SEMA5A: variants seen among roughly 807,000 people sequenced by gnomAD.
SEMA5A encodes semaphorin 5A.
Under a neutral mutation model 135.5 loss-of-function variants are expected in SEMA5A, and 55 were observed. That is an observed-to-expected ratio of 0.41 (90% CI 0.33 to 0.51). The LOEUF (loss-of-function observed/expected upper bound fraction) is 0.51, where lower values mean the gene tolerates loss of function less well. Ranked by LOEUF, SEMA5A falls within the 20% of genes least tolerant of loss-of-function variation. The pLI is 0.37. For synonymous variants in SEMA5A, 580 were observed against 546.5 expected (o/e 1.06, Z -0.85); for missense variants, 1,290 against 1,419.9 (o/e 0.91, Z 1.47).
At chr5:9,112,274 T>G (rs1466723675) in intron 15 of SEMA5A, among the ~76,000 whole-genome samples, 1 of 152,276 alleles carries the variant, frequency 6.6e-6, no homozygotes, top group Non-Finnish European at 1.5e-5. Flanking sequence ...AATAAAGACC[T>G]TTTATAATTC....
intron 3 of SEMA5A, among the ~76,000 whole-genome samples, chr5:9,370,307 C>G (rs1330642919): frequency 6.6e-6 from 1 of 152,242 alleles, no homozygotes; most frequent in East Asian, 1.9e-4. Context: ...TTTGCAGCCT[C>G]TCTAAGGCAC....
chr5:9,180,679 A>C (rs1437707595), intron 11 of SEMA5A, among the ~76,000 whole-genome samples: 1 of 152,178 alleles, frequency 6.6e-6, no homozygotes, highest in Non-Finnish European at 1.5e-5. Flanking sequence ...GGGTCTCTAA[A>C]GTCTTATGTA....
At chr5:9,061,077 T>G (rs1737156606) in intron 18 of SEMA5A, among the ~76,000 whole-genome samples, 1 of 151,640 alleles carries the variant, frequency 6.6e-6, no homozygotes, top group African/African-American at 2.4e-5. Flanking sequence ...CTTGGTGAAA[T>G]CCACCAAGGG....
intron 21 of SEMA5A, among the ~76,000 whole-genome samples, chr5:9,047,077 GGGACT>G (rs1261409448): frequency 6.6e-6 from 1 of 152,162 alleles, no homozygotes; most frequent in Non-Finnish European, 1.5e-5. Flanking sequence ...AGCAGCCACT[GGGACT>G]TTAACTGTAA....
intron 16 of SEMA5A, among the ~76,000 whole-genome samples, chr5:9,090,353 G>C (rs930624661): frequency 3.9e-5 from 6 of 152,126 alleles, no homozygotes; most frequent in East Asian, 1.9e-4. Context: ...AAAAGTCCTC[G>C]CTTTAAAACG....
chr5:9,230,725 A>G (rs1437435917), intron 6 of SEMA5A, among the ~76,000 whole-genome samples: 2 of 152,074 alleles, frequency 1.3e-5, no homozygotes, highest in African/African-American at 4.8e-5. Context: ...TATGGAACCC[A>G]GAGGAGCCTG....
chr5:9,096,107 G>A (rs1470873367), intron 16 of SEMA5A, among the ~76,000 whole-genome samples: 1 of 152,112 alleles, frequency 6.6e-6, no homozygotes, highest in African/African-American at 2.4e-5. Flanking sequence ...CATACTGGCT[G>A]TACCGGCCTA....
intron 1 of SEMA5A, among the ~76,000 whole-genome samples, chr5:9,533,984 G>C (rs984421973): frequency 2.0e-5 from 3 of 152,120 alleles, no homozygotes; most frequent in African/African-American, 7.2e-5. Flanking sequence ...TGTTGAAAAA[G>C]ATACACCAGC....
At chr5:9,268,593 A>G (rs2150533048) in intron 5 of SEMA5A, among the ~76,000 whole-genome samples, 1 of 152,326 alleles carries the variant, frequency 6.6e-6, no homozygotes, top group Admixed American at 6.5e-5. Flanking sequence ...ATCTTAATAA[A>G]TACTACTGCC....
chr5:9,249,534 A>C (rs2150484574), intron 5 of SEMA5A, among the ~76,000 whole-genome samples: 1 of 152,320 alleles, frequency 6.6e-6, no homozygotes. Flanking sequence ...TATTTTTATA[A>C]CTTGTTTTTC....
rs1053883330 is a variant in SEMA5A at position 9,040,522 on chromosome 5, T to TAAAC, written c.*2371_*2374dup. 12 of 152,372 alleles carry TAAAC rather than the reference T, an allele frequency of 7.9e-5. No individual in the cohort carries two copies. The highest frequency in any genetic ancestry group is 5.9e-4 in the Admixed American group (9 of 15,306). 9.4% of individuals were successfully genotyped at this position (152,372 alleles called of 1,614,324 possible). A position where few individuals can be genotyped will look rare whatever the true frequency, so the allele number is the denominator to read the frequency against. On this transcript the variant is annotated 3_prime_UTR_variant, in exon 23 of 23. Coordinates refer to ENST00000382496, the MANE Select transcript of SEMA5A (RefSeq NM_003966.3). ...TACTTAGAATATATCTGAAATTATC[T>TAAAC]AAACACTTGCTATTCTGTCAAATAA...
At chr5:9,412,283 T>G (rs1757127074) in intron 2 of SEMA5A, among the ~76,000 whole-genome samples, 1 of 151,756 alleles carries the variant, frequency 6.6e-6, no homozygotes, top group Non-Finnish European at 1.5e-5. Context: ...CTTCTGCTTG[T>G]CCTAATTAAG....
chr5:9,176,617 G>A (rs1744218442), intron 11 of SEMA5A, among the ~76,000 whole-genome samples: 1 of 152,248 alleles, frequency 6.6e-6, no homozygotes, highest in Non-Finnish European at 1.5e-5. Context: ...ACACCTTGTT[G>A]AACTGTGTGT....
intron 8 of SEMA5A, among the ~76,000 whole-genome samples, chr5:9,220,819 C>T (rs147520927): frequency 7.9e-5 from 12 of 152,214 alleles, no homozygotes; most frequent in South Asian, 2.1e-4. Flanking sequence ...GGCTGGAAAT[C>T]GGTCCTCAAA....
At chr5:9,114,435 A>T (rs1469881012) in intron 15 of SEMA5A, among the ~76,000 whole-genome samples, 1 of 152,224 alleles carries the variant, frequency 6.6e-6, no homozygotes, top group African/African-American at 2.4e-5. Context: ...ACACACTTAT[A>T]AATGATTAAG....
At chr5:9,488,665 C>T (rs1247036759) in intron 1 of SEMA5A, among the ~76,000 whole-genome samples, 8 of 152,204 alleles carry the variant, frequency 5.3e-5, no homozygotes, top group South Asian at 4.1e-4. Context: ...TGCTCTCTCA[C>T]GCAGCCCTTG....
At chr5:9,214,922 T>C (rs181606880) in intron 8 of SEMA5A, among the ~76,000 whole-genome samples, 220 of 152,344 alleles carry the variant, frequency 1.4e-3, no homozygotes, top group Middle Eastern at 3.4e-3. Context: ...ATAATGAATC[T>C]TGACTTGCTG....
At chr5:9,265,341 A>T in intron 5 of SEMA5A, 1 of 438,530 alleles carries the variant, frequency 2.3e-6, no homozygotes, top group Non-Finnish European at 4.6e-6. Context: ...GTTCCTGCCT[A>T]TCCATGAGGT....
chr5:9,295,145 C>T (rs1452311373), intron 5 of SEMA5A, among the ~76,000 whole-genome samples: 3 of 152,140 alleles, frequency 2.0e-5, no homozygotes, highest in Non-Finnish European at 4.4e-5. Flanking sequence ...CTCTAGTTTC[C>T]CAGGGTTCAT....
Sources: gnomAD v4.1 joint callset for allele counts (sites outside exome capture counted in the v4.1 genomes callset) on GRCh38, gnomAD v4.1.1 for gene constraint, MANE v1.5 for transcripts, NCBI Gene and HGNC (gene_info 2026-07-23, HGNC 2026-07-21) for gene names.